Variants in CTNNA2 observed in about 807,000 individuals in gnomAD.
CTNNA2 encodes catenin alpha 2, also known as catenin alpha-2.
Under a neutral mutation model 101.0 loss-of-function variants are expected in CTNNA2, and 42 were observed. The ratio of observed to expected loss-of-function variants is 0.42; its 90% confidence interval spans 0.32 to 0.54. The LOEUF is 0.54. Ranked by LOEUF, CTNNA2 falls within the 20% of genes least tolerant of loss-of-function variation. The probability of loss-of-function intolerance (pLI) is 0.14; values close to 1 mark genes in which losing one functional copy is unlikely to be tolerated. For synonymous variants in CTNNA2, 450 were observed against 456.4 expected (o/e 0.99, Z 0.18); for missense variants, 871 against 1,223.1 (o/e 0.71, Z 4.29).
chr2:79,754,832 C>A (rs563735438), intron 3 of CTNNA2, among the ~76,000 whole-genome samples: 1 of 152,080 alleles, frequency 6.6e-6, no homozygotes, highest in East Asian at 1.9e-4. Flanking sequence ...AGATTTCACT[C>A]CTGTATGGGG....
At position 79,814,638 on chromosome 2, in the gene CTNNA2, C is replaced by CACACACACACACACACACACAT. The variant is rs145584853; in HGVS notation, c.299-43374_299-43373insCACACACACACACACACACATA. On this transcript the variant is annotated intron_variant, in intron 3 of 18. Transcript: ENST00000402739. ...ACACACACACACACACACACACACACATATATATATATATCACAGTTTCTT... is the reference window on the plus strand; with the variant it reads ...ACACACACACACACACACACACACACACACACACACACACACACACATATATATATATATATCACAGTTTCTT... Among the ~76,000 whole-genome samples, 218 of 147,034 alleles carry CACACACACACACACACACACAT rather than the reference C, an allele frequency of 1.5e-3. 1 individual carries two copies. Among genetic ancestry groups the CACACACACACACACACACACAT allele is most frequent in the African/African-American group, 5.3e-3 (207 of 39,230 alleles).
chr2:80,454,472 A>G (rs965239850), intron 9 of CTNNA2, among the ~76,000 whole-genome samples: 13 of 152,194 alleles, frequency 8.5e-5, no homozygotes, highest in African/African-American at 3.1e-4. Context: ...CCAAAGAGAC[A>G]ATATGTGCCT....
intron 7 of CTNNA2, among the ~76,000 whole-genome samples, chr2:80,093,381 C>T (rs181131246): frequency 7.6e-4 from 116 of 152,290 alleles, no homozygotes; most frequent in African/African-American, 2.7e-3. Flanking sequence ...ACATGTGCCA[C>T]ATTTTGTTAA....
chr2:79,987,692 G>T (rs1691865199), intron 7 of CTNNA2, among the ~76,000 whole-genome samples: 1 of 152,102 alleles, frequency 6.6e-6, no homozygotes, highest in Non-Finnish European at 1.5e-5. Context: ...GTTGTTATGT[G>T]GCACTTGTTT....
At chr2:79,857,985 C>T (rs765187230) in intron 3 of CTNNA2, 28 bp from the exon 4 acceptor site, 1 of 1,599,142 alleles carries the variant, frequency 6.3e-7, no homozygotes, top group Non-Finnish European at 8.6e-7. Context: ...CTTGTCTACC[C>T]ACCTGCCTCT....
intron 7 of CTNNA2, among the ~76,000 whole-genome samples, chr2:80,225,599 G>A (rs528381375): frequency 6.6e-6 from 1 of 152,204 alleles, no homozygotes; most frequent in East Asian, 1.9e-4. Flanking sequence ...TGCCATAGTA[G>A]GAAAACATCA....
intron 7 of CTNNA2, among the ~76,000 whole-genome samples, chr2:80,301,575 C>G (rs1187404782): frequency 2.0e-5 from 3 of 152,230 alleles, no homozygotes; most frequent in Non-Finnish European, 4.4e-5. Context: ...GTGCCCAGTC[C>G]TCAGTCCACC....
At chr2:79,462,179 TATG>T (rs1479307513) in intron 4 of CTNNA2, among the ~76,000 whole-genome samples, 2 of 152,198 alleles carry the variant, frequency 1.3e-5, no homozygotes, top group Non-Finnish European at 2.9e-5. Flanking sequence ...AGATAAGACT[TATG>T]ATTGATGAAT....
intron 7 of CTNNA2, among the ~76,000 whole-genome samples, chr2:80,312,849 G>A (rs2149230973): frequency 6.6e-6 from 1 of 152,268 alleles, no homozygotes; most frequent in South Asian, 2.1e-4. Flanking sequence ...TACCTTTAAA[G>A]GGAGAAGAAG....
At chr2:79,950,603 C>A (rs993922347) in intron 7 of CTNNA2, among the ~76,000 whole-genome samples, 1 of 152,278 alleles carries the variant, frequency 6.6e-6, no homozygotes, top group East Asian at 1.9e-4. Flanking sequence ...ACATATTATA[C>A]CCTTCGATTT....
rs534656302 is a variant in CTNNA2, at chr2:80,460,874, C to T, written c.1290+41273C>T. On this transcript the variant is annotated intron_variant, in intron 9 of 18. Transcript: ENST00000402739. Reference sequence around the variant, plus strand: ...AATACAGATTGTTGGATCTCATCCCCCAAGTTTCTGATTCAGTATATCTGG... The same window carrying T: ...AATACAGATTGTTGGATCTCATCCCTCAAGTTTCTGATTCAGTATATCTGG... 2.6e-5 allele frequency among the ~76,000 whole-genome samples: 4 copies of T among 152,244 alleles called. No homozygotes were observed. In the East Asian group the frequency reaches 7.7e-4, roughly 29 times the overall value.
At chr2:80,030,563 C>T (rs1475779786) in intron 7 of CTNNA2, 1 of 152,066 alleles carries the variant, frequency 6.6e-6, no homozygotes, top group East Asian at 1.9e-4. Flanking sequence ...GCTAAGGAGA[C>T]AAAGCAGGAT....
At chr2:79,345,781 C>T (rs1677248764) in intron 3 of CTNNA2, among the ~76,000 whole-genome samples, 1 of 152,012 alleles carries the variant, frequency 6.6e-6, no homozygotes, top group Non-Finnish European at 1.5e-5. Context: ...CAACCTCCGC[C>T]TCCAAGGTTC....
In CTNNA2 at chr2:79,808,855, A is replaced by G. The variant is rs189346804; in HGVS notation, c.299-49158A>G. Among the ~76,000 whole-genome samples the G allele has an allele frequency of 2.8e-3, 431 of 152,086 alleles. 1 individual carries two copies. Among genetic ancestry groups the G allele is most frequent in the South Asian group, 3.9e-3 (19 of 4,818 alleles). ...TGCAGAATGTGCAGGTTTGTTACAT[A>G]GGTATACACGTGCCATGGTGGTTTG... On this transcript the variant is annotated intron_variant, in intron 3 of 18. Transcript: ENST00000402739.
Position 79,910,908 on chromosome 2 carries a change from G to T in CTNNA2, c.1056+1111G>T, listed in dbSNP as rs554098702. On this transcript the variant is annotated intron_variant, in intron 7 of 18. Coordinates refer to ENST00000402739, the MANE Select transcript of CTNNA2 (RefSeq NM_001282597.3). ...CTGCTGACCCTCCAGAGAACTCACT[G>T]AGAAAGCAAAAAGATGTCAATGAGA... 4.6e-5 allele frequency among the ~76,000 whole-genome samples: 7 copies of T among 152,224 alleles called. No individual in the cohort carries two copies. The South Asian group carries it at 1.5e-3, about 32-fold the overall frequency.
chr2:80,084,206 C>G (rs370922808), intron 7 of CTNNA2, among the ~76,000 whole-genome samples: 1 of 152,050 alleles, frequency 6.6e-6, no homozygotes, highest in Non-Finnish European at 1.5e-5. Flanking sequence ...GAGAAGTTGA[C>G]ACAGGGAAAT....
intron 6 of CTNNA2, among the ~76,000 whole-genome samples, chr2:79,875,879 TTATA>T (rs1574199938): frequency 1.3e-5 from 2 of 152,260 alleles, no homozygotes; most frequent in Non-Finnish European, 1.5e-5. Context: ...AATGTTTACT[TTATA>T]TAACATAAAT....
chr2:79,988,269 G>A (rs1691904363), intron 7 of CTNNA2, among the ~76,000 whole-genome samples: 1 of 152,182 alleles, frequency 6.6e-6, no homozygotes, highest in Admixed American at 6.6e-5. Context: ...ATAGGGCACA[G>A]GTAAGAGCTT....
intron 7 of CTNNA2, among the ~76,000 whole-genome samples, chr2:79,954,830 T>C (rs952253308): frequency 6.6e-6 from 1 of 152,218 alleles, no homozygotes; most frequent in Non-Finnish European, 1.5e-5. Context: ...TCGTTGTTAT[T>C]CAGAGAACAT....
Sources: gnomAD v4.1 joint callset for allele counts (sites outside exome capture counted in the v4.1 genomes callset) on GRCh38, gnomAD v4.1.1 for gene constraint, MANE v1.5 for transcripts, NCBI Gene and HGNC (gene_info 2026-07-23, HGNC 2026-07-21) for gene names.